Variants in UNC79 observed in about 807,000 individuals in gnomAD.
UNC79 encodes protein unc-79 homolog.
A neutral mutation model predicts 283.1 loss-of-function variants in UNC79; 37 were observed. The ratio of observed to expected loss-of-function variants is 0.13; its 90% CI spans 0.10 to 0.17. The LOEUF (loss-of-function observed/expected upper bound fraction) is 0.17, where lower values mean the gene tolerates loss of function less well. Ranked by LOEUF, UNC79 falls within the 10% of genes least tolerant of loss-of-function variation. The probability of loss-of-function intolerance (pLI) is 1.00; values close to 1 mark genes in which losing one functional copy is unlikely to be tolerated. For missense variants in UNC79, 2,272 were observed against 3,211.1 expected (o/e 0.71, Z 7.07); for synonymous variants, 1,107 against 1,200.2 (o/e 0.92, Z 1.61).
chr14:93,498,359 C>T (rs974928234), intron 7 of UNC79, among the ~76,000 whole-genome samples: 7 of 151,814 alleles, frequency 4.6e-5, no homozygotes, highest in African/African-American at 1.2e-4. Context: ...GAGGCCTAGG[C>T]GGGTGGATCA....
At chr14:93,511,479 C>T (rs760969112) in intron 7 of UNC79, among the ~76,000 whole-genome samples, 12 of 152,154 alleles carry the variant, frequency 7.9e-5, no homozygotes, top group Non-Finnish European at 1.8e-4. Flanking sequence ...GACAGAGTCT[C>T]GCTTTGTCAC....
At chr14:93,406,103 C>T (rs911148082) in intron 1 of UNC79, among the ~76,000 whole-genome samples, 1 of 152,152 alleles carries the variant, frequency 6.6e-6, no homozygotes, top group Non-Finnish European at 1.5e-5. Context: ...GAGATCCATT[C>T]AGTTCATTTA....
intron 1 of UNC79, among the ~76,000 whole-genome samples, chr14:93,421,849 C>T (rs1284638980): frequency 1.3e-5 from 2 of 150,142 alleles, no homozygotes; most frequent in Non-Finnish European, 3.0e-5. Flanking sequence ...AATGTTAGTT[C>T]AACATACACA....
exon 30 of UNC79, chr14:93,622,776 T>C: frequency 2.5e-6 from 4 of 1,614,092 alleles, no homozygotes; most frequent in Non-Finnish European, 3.4e-6. Flanking sequence ...GTCAGTGCTA[T>C]CCAGAGAGAG....
At chr14:93,347,360 CG>C in intron 1 of UNC79, 2 of 1,581,944 alleles carry the variant, frequency 1.3e-6, no homozygotes, top group Non-Finnish European at 1.7e-6. Context: ...TTCGCCCACT[CG>C]GGGCCCCCGC....
At chr14:93,347,206 T>A in intron 1 of UNC79, 5 of 1,510,474 alleles carry the variant, frequency 3.3e-6, no homozygotes, top group Non-Finnish European at 4.4e-6. Context: ...CACTGGAGCT[T>A]GCGTTACTTG....
At chr14:93,573,910 C>T (rs745372741) in intron 16 of UNC79, among the ~76,000 whole-genome samples, 24 of 152,062 alleles carry the variant, frequency 1.6e-4, no homozygotes, top group African/African-American at 4.1e-4. Flanking sequence ...GAGGCCGAGC[C>T]GGGAGAATCT....
chr14:93,673,947 A>C (rs1184548374), intron 41 of UNC79, among the ~76,000 whole-genome samples: 1 of 152,160 alleles, frequency 6.6e-6, no homozygotes, highest in Non-Finnish European at 1.5e-5. Context: ...AGTTGGGTGT[A>C]GGTACGCTTC....
intron 1 of UNC79, among the ~76,000 whole-genome samples, chr14:93,422,966 G>C (rs552652444): frequency 6.6e-6 from 1 of 150,426 alleles, no homozygotes; most frequent in East Asian, 2.0e-4. Context: ...AGGAGGTTGA[G>C]GCAGGAGAAT....
intron 24 of UNC79, among the ~76,000 whole-genome samples, chr14:93,598,969 G>A (rs1159053890): frequency 2.0e-5 from 3 of 152,312 alleles, no homozygotes; most frequent in Admixed American, 2.0e-4. Flanking sequence ...TTATTTTTTA[G>A]TGGAGACACC....
intron 1 of UNC79, among the ~76,000 whole-genome samples, chr14:93,418,976 G>A (rs879507754): frequency 9.2e-5 from 14 of 151,768 alleles, no homozygotes; most frequent in African/African-American, 2.9e-4. Flanking sequence ...TGCGTTTCCC[G>A]AGTGAGGCAA....
At chr14:93,660,251 A>G (rs1037124572) in intron 39 of UNC79, among the ~76,000 whole-genome samples, 3 of 152,086 alleles carry the variant, frequency 2.0e-5, no homozygotes, top group Non-Finnish European at 4.4e-5. Flanking sequence ...TCATTGGTTC[A>G]ATCCACTCAT....
At chr14:93,636,229 G>A (rs965826476) in intron 31 of UNC79, among the ~76,000 whole-genome samples, 1 of 152,124 alleles carries the variant, frequency 6.6e-6, no homozygotes, top group African/African-American at 2.4e-5. Flanking sequence ...TTTCAATCTT[G>A]TTCATGTCAC....
chr14:93,523,437 C>T lies in UNC79; in HGVS notation c.899-541C>T, dbSNP rs145567696. Among the ~76,000 whole-genome samples the T allele has an allele frequency of 2.1e-3, 313 of 152,078 alleles. 1 individual carries two copies. Among genetic ancestry groups the T allele is most frequent in the Middle Eastern group, 6.8e-3 (2 of 294 alleles). On this transcript the variant is annotated intron_variant, in intron 7 of 48. Coordinates refer to ENST00000555664, the Ensembl canonical transcript of UNC79. ...GGATAGGAAATGGAATGGTAGAGGACGTCTTACTATTCATTTCAGTTGTTA... is the reference window on the plus strand; with the variant it reads ...GGATAGGAAATGGAATGGTAGAGGATGTCTTACTATTCATTTCAGTTGTTA...
chr14:93,434,342 G>A (rs1427695073), intron 1 of UNC79, among the ~76,000 whole-genome samples: 1 of 152,164 alleles, frequency 6.6e-6, no homozygotes, highest in Non-Finnish European at 1.5e-5. Flanking sequence ...AAGCTTCCTA[G>A]CACTTTCTCA....
At chr14:93,477,047 A>G (rs1483472672) in intron 3 of UNC79, among the ~76,000 whole-genome samples, 2 of 152,240 alleles carry the variant, frequency 1.3e-5, no homozygotes, top group African/African-American at 4.8e-5. Flanking sequence ...TGATGACTCA[A>G]TGCACATGGT....
chr14:93,348,278 GTGCATTATATAGA>G, intron 1 of UNC79: 1 of 590,256 alleles, frequency 1.7e-6, no homozygotes, highest in South Asian at 2.2e-5. Flanking sequence ...TTTTAGTACT[GTGCATTATATAGA>G]TGTATAGTCA....
In UNC79 at chr14:93,386,927, C is replaced by CT. The variant is rs35267402; in HGVS notation, c.-351+53436dup. The stretch of plus-strand genomic sequence containing the variant: ...TTCATTTCAATTTCATGTATTTCTG[C>CT]TTTTTTTTTTTTTTTTTTTTTTTTT... On this transcript the variant is annotated intron_variant, in intron 1 of 49. Transcript: ENST00000256339. Among the ~76,000 whole-genome samples, 37 of 27,190 alleles carry CT rather than the reference C, an allele frequency of 1.4e-3. 7 individuals carry two copies. Among genetic ancestry groups the CT allele is most frequent in the Non-Finnish European group, 1.5e-3 (25 of 16,380 alleles). 17.8% of individuals were successfully genotyped at this position (27,190 alleles called of 152,430 possible). A position where few individuals can be genotyped will look rare whatever the true frequency, so the allele number is the denominator to read the frequency against.
At position 93,643,576 on chromosome 14, in the gene UNC79, A is replaced by G. The variant is rs78425468; in HGVS notation, c.5923A>G (p.Ile1975Val). 7,468 of 1,613,954 alleles carry G rather than the reference A, an allele frequency of 4.6e-3. 187 individuals carry two copies. The East Asian group carries it at 0.08, about 17-fold the overall frequency. ...TTGCAGATGCCATGACTGTGGGGCCATTCTTGAAGAATACGATGAAGAGAC... is the reference window on the plus strand; with the variant it reads ...TTGCAGATGCCATGACTGTGGGGCCGTTCTTGAAGAATACGATGAAGAGAC... Residue 1975 changes from isoleucine (I) to valine (V), a missense_variant, in exon 34 of 49, where the codon ATT (isoleucine) becomes GTT (valine). Around this residue, in one of 11 missense-constraint regions of UNC79, gnomAD observed 287 missense variants for 446.4 expected, o/e 0.64. Transcript: ENST00000555664.
Sources: gnomAD v4.1 joint callset for allele counts (sites outside exome capture counted in the v4.1 genomes callset) on GRCh38, gnomAD v4.1.1 for gene constraint, gnomAD v4.1.1 regional missense constraint, MANE v1.5 for transcripts, NCBI Gene and HGNC (gene_info 2026-07-23, HGNC 2026-07-21) for gene names.